The following NRIP1 variants were observed in gnomAD, a reference collection of about 807,000 sequenced individuals.
The protein encoded by NRIP1 is nuclear receptor-interacting protein 1.
Under a neutral mutation model 75.0 loss-of-function variants are expected in NRIP1, and 28 were observed. The observed-to-expected ratio is 0.37, with a 90% confidence interval of 0.28 to 0.51. NRIP1 has a LOEUF of 0.51. NRIP1 is among the 20% of genes least tolerant of loss of function. NRIP1 has a pLI of 0.92. For synonymous variants in NRIP1, 526 were observed against 487.6 expected (o/e 1.08, Z -1.04); for missense variants, 1,435 against 1,343.7 (o/e 1.07, Z -1.06).
intron 2 of NRIP1, among the ~76,000 whole-genome samples, chr21:15,042,353 A>C (rs928736104): frequency 6.6e-6 from 1 of 152,196 alleles, no homozygotes; most frequent in Non-Finnish European, 1.5e-5. Flanking sequence ...GATACAGAGG[A>C]GGTATAAGGT....
rs1285188970 is a variant in NRIP1, at chr21:14,961,814, A to G, written c.*2902T>C. 6.6e-6 allele frequency: 1 copy of G among 152,238 alleles called. No homozygotes were observed. The highest frequency in any genetic ancestry group is 1.5e-5 in the Non-Finnish European group (1 of 67,832). 9.4% of individuals were successfully genotyped at this position (152,238 alleles called of 1,614,324 possible). ...TCCAGACTTGCAACTGTATACATAC[A>G]TGCACAACTTTTAAACCTGTCTGAT... On this transcript the variant is annotated 3_prime_UTR_variant, in exon 4 of 4. Coordinates refer to ENST00000318948, the MANE Select transcript of NRIP1 (RefSeq NM_003489.4).
chr21:15,000,595 A>G (rs1464883426), intron 3 of NRIP1, among the ~76,000 whole-genome samples: 1 of 152,236 alleles, frequency 6.6e-6, no homozygotes, highest in Non-Finnish European at 1.5e-5. Context: ...AAAGTGAAAG[A>G]TTCTAAAATC....
intron 3 of NRIP1, among the ~76,000 whole-genome samples, chr21:15,008,077 G>GT (rs2088015443): frequency 6.6e-6 from 1 of 152,120 alleles, no homozygotes; most frequent in African/African-American, 2.4e-5. Flanking sequence ...GAAGAGCGTC[G>GT]TCAGATACTC....
At chr21:14,970,096 C>T (rs549344123) in intron 3 of NRIP1, among the ~76,000 whole-genome samples, 8 of 152,314 alleles carry the variant, frequency 5.3e-5, no homozygotes, top group South Asian at 4.1e-4. Flanking sequence ...CAGCTAAACA[C>T]TACTTTTCTC....
At chr21:14,970,770 T>A (rs539439532) in intron 3 of NRIP1, among the ~76,000 whole-genome samples, 1 of 152,202 alleles carries the variant, frequency 6.6e-6, no homozygotes, top group African/African-American at 2.4e-5. Flanking sequence ...AGAATAAGAA[T>A]GAAATAAGGA....
intron 2 of NRIP1, 140 bp from the exon 3 acceptor site, chr21:15,014,606 T>G (rs2088181961): frequency 2.5e-6 from 1 of 395,456 alleles, no homozygotes; most frequent in Non-Finnish European, 4.5e-6. Flanking sequence ...AAAATATCAA[T>G]TGTTTATGAA....
At chr21:15,001,505 A>G (rs1022078342) in intron 3 of NRIP1, among the ~76,000 whole-genome samples, 1 of 152,184 alleles carries the variant, frequency 6.6e-6, no homozygotes, top group Admixed American at 6.6e-5. Flanking sequence ...ATATTAAGTA[A>G]CCTCAAATAA....
At chr21:14,986,398 C>T (rs1018766195) in intron 3 of NRIP1, among the ~76,000 whole-genome samples, 2 of 152,198 alleles carry the variant, frequency 1.3e-5, no homozygotes, top group Non-Finnish European at 2.9e-5. Context: ...ATTGCCACGG[C>T]TTTCAACTTT....
chr21:15,018,733 A>G (rs2088296582), intron 2 of NRIP1, among the ~76,000 whole-genome samples: 1 of 152,198 alleles, frequency 6.6e-6, no homozygotes, highest in African/African-American at 2.4e-5. Flanking sequence ...GAACACAATG[A>G]TAACAGTGAT....
intron 2 of NRIP1, among the ~76,000 whole-genome samples, chr21:15,025,827 C>T (rs1223318200): frequency 6.6e-6 from 1 of 152,198 alleles, no homozygotes; most frequent in Non-Finnish European, 1.5e-5. Flanking sequence ...TACGGGCCGA[C>T]ATGGTCTTCT....
intron 1 of NRIP1, among the ~76,000 whole-genome samples, chr21:15,064,536 G>C (rs1407046982): frequency 6.6e-6 from 1 of 151,932 alleles, no homozygotes; most frequent in Admixed American, 6.6e-5. Flanking sequence ...ACAACTTGCC[G>C]GCCCGCCGCC....
intron 2 of NRIP1, among the ~76,000 whole-genome samples, chr21:15,028,749 A>C (rs766817249): frequency 6.6e-6 from 1 of 152,110 alleles, no homozygotes; most frequent in African/African-American, 2.4e-5. Flanking sequence ...TCTATTTCCT[A>C]TTCTTTATTG....
chr21:15,016,871 C>T (rs372341901), intron 2 of NRIP1, among the ~76,000 whole-genome samples: 70 of 137,992 alleles, frequency 5.1e-4, no homozygotes, highest in South Asian at 2.0e-3. Context: ...GGCGACAGAG[C>T]GAGACTCCGT....
chr21:15,019,470 C>CTTTT lies in NRIP1; in HGVS notation c.-457-5008_-457-5005dup, dbSNP rs539278321. Reference sequence around the variant, plus strand: ...ACAAGATCCACAAACAACTGCATTTCTTTTTTTTTTTTTTTTTTTTTTTTT... The same window carrying CTTTT: ...ACAAGATCCACAAACAACTGCATTTCTTTTTTTTTTTTTTTTTTTTTTTTTTTTT... On this transcript the variant is annotated intron_variant, in intron 2 of 3. Coordinates refer to ENST00000318948, the MANE Select transcript of NRIP1 (RefSeq NM_003489.4). Among the ~76,000 whole-genome samples, 19 of 38,696 alleles carry CTTTT rather than the reference C, an allele frequency of 4.9e-4. 9 individuals are homozygous for CTTTT. The highest frequency in any genetic ancestry group is 1.1e-3 in the Non-Finnish European group (19 of 17,904). The allele number at this position is 38,696 out of a possible 152,430, so 25.4% of individuals were successfully genotyped here.
chr21:14,985,172 C>T (rs752860972), intron 3 of NRIP1, among the ~76,000 whole-genome samples: 1 of 152,174 alleles, frequency 6.6e-6, no homozygotes, highest in Non-Finnish European at 1.5e-5. Flanking sequence ...ATCTTAGCAC[C>T]TAGCAGAGGC....
intron 3 of NRIP1, among the ~76,000 whole-genome samples, chr21:14,994,817 A>G (rs2087675687): frequency 6.6e-6 from 1 of 152,176 alleles, no homozygotes; most frequent in African/African-American, 2.4e-5. Flanking sequence ...TTAACTATTT[A>G]ACAGGGCTGT....
At chr21:15,029,949 A>G (rs1326382241) in intron 2 of NRIP1, among the ~76,000 whole-genome samples, 1 of 152,160 alleles carries the variant, frequency 6.6e-6, no homozygotes, top group Non-Finnish European at 1.5e-5. Flanking sequence ...CCTCCTCAAA[A>G]ACACACTGTC....
At chr21:15,044,724 C>T (rs1043801093) in intron 1 of NRIP1, among the ~76,000 whole-genome samples, 4 of 152,122 alleles carry the variant, frequency 2.6e-5, no homozygotes, top group Admixed American at 2.0e-4. Flanking sequence ...TTACTGGGGG[C>T]CCTTCAGTCT....
At chr21:15,015,690 T>G (rs552558291) in intron 2 of NRIP1, among the ~76,000 whole-genome samples, 4 of 152,104 alleles carry the variant, frequency 2.6e-5, no homozygotes, top group African/African-American at 4.8e-5. Flanking sequence ...TATATGAAAT[T>G]ATATACTATA....
Sources: allele counts gnomAD v4.1 joint callset (sites outside exome capture counted in the v4.1 genomes callset), GRCh38; gene constraint gnomAD v4.1.1; transcripts MANE v1.5; gene names NCBI Gene and HGNC (gene_info 2026-07-23, HGNC 2026-07-21).